CDH9: variants seen among roughly 807,000 people sequenced by gnomAD.
CDH9 encodes cadherin-9.
In CDH9, 28 loss-of-function variants were observed where a neutral mutation model predicts 70.9. The observed-to-expected ratio is 0.40, with a 90% confidence interval of 0.29 to 0.54. The LOEUF (loss-of-function observed/expected upper bound fraction) is 0.54. Ranked by LOEUF, CDH9 falls within the 20% of genes least tolerant of loss-of-function variation. The probability of loss-of-function intolerance (pLI) is 0.59; values close to 1 mark genes in which losing one functional copy is unlikely to be tolerated. For missense variants in CDH9, 874 were observed against 984.4 expected (o/e 0.89, Z 1.50); for synonymous variants, 409 against 343.1 (o/e 1.19, Z -2.12).
chr5:26,957,341 G>A (rs1741963904), intron 2 of CDH9, among the ~76,000 whole-genome samples: 1 of 151,980 alleles, frequency 6.6e-6, no homozygotes, highest in African/African-American at 2.4e-5. Context: ...AAAATCATAG[G>A]CTGTAAATAA....
chr5:27,024,550 A>C (rs1435450377), intron 1 of CDH9, among the ~76,000 whole-genome samples: 1 of 152,136 alleles, frequency 6.6e-6, no homozygotes, highest in Non-Finnish European at 1.5e-5. Flanking sequence ...TAGTGAAATT[A>C]TCTTGAGCCA....
At chr5:26,993,479 T>C (rs747500499) in intron 1 of CDH9, among the ~76,000 whole-genome samples, 2 of 152,012 alleles carry the variant, frequency 1.3e-5, no homozygotes, top group Admixed American at 6.6e-5. Flanking sequence ...AGGCTATTCA[T>C]ATTGCAAAAA....
intron 1 of CDH9, among the ~76,000 whole-genome samples, chr5:27,003,423 G>T (rs1406802794): frequency 6.6e-6 from 1 of 151,988 alleles, no homozygotes. Context: ...CTTCCAAAAA[G>T]GACAGTGTAG....
intron 2 of CDH9, among the ~76,000 whole-genome samples, chr5:26,979,291 T>G (rs1472833867): frequency 6.6e-6 from 1 of 151,632 alleles, no homozygotes; most frequent in Non-Finnish European, 1.5e-5. Flanking sequence ...CACTATTAAT[T>G]CAATTTATAC....
At chr5:27,038,436 T>C (rs937344463) in intron 1 of CDH9, 27 bp downstream of exon 1, 3 of 151,986 alleles carry the variant, frequency 2.0e-5, no homozygotes, top group Non-Finnish European at 4.4e-5. Context: ...ATAGCTTACA[T>C]TGTCAAGCAA....
At chr5:26,952,790 A>G (rs933631496) in intron 2 of CDH9, among the ~76,000 whole-genome samples, 1 of 150,670 alleles carries the variant, frequency 6.6e-6, no homozygotes, top group African/African-American at 2.4e-5. Context: ...GTATCATGGG[A>G]TTGATACTGG....
intron 2 of CDH9, among the ~76,000 whole-genome samples, chr5:26,926,708 C>T (rs10037096): frequency 0.096 from 14,551 of 152,044 alleles, 870 homozygotes; most frequent in East Asian, 0.17. Context: ...TACAAGGCTA[C>T]AGTAACCAAA....
At chr5:26,921,898 A>T (rs959810638) in intron 2 of CDH9, among the ~76,000 whole-genome samples, 1 of 152,164 alleles carries the variant, frequency 6.6e-6, no homozygotes, top group African/African-American at 2.4e-5. Flanking sequence ...AAGAGGAATC[A>T]AGCAGAAATT....
intron 1 of CDH9, among the ~76,000 whole-genome samples, chr5:27,032,627 T>A (rs1042393837): frequency 1.3e-5 from 2 of 151,676 alleles, no homozygotes; most frequent in African/African-American, 4.8e-5. Context: ...TAATAAGTTG[T>A]GACATTAATC....
intron 1 of CDH9, among the ~76,000 whole-genome samples, chr5:27,030,254 G>A (rs555546970): frequency 2.0e-5 from 3 of 151,962 alleles, no homozygotes; most frequent in Non-Finnish European, 4.4e-5. Flanking sequence ...AGAGATGGGG[G>A]AGAGGAGAGG....
At chr5:27,008,724 G>A (rs1425779196) in intron 1 of CDH9, among the ~76,000 whole-genome samples, 1 of 152,084 alleles carries the variant, frequency 6.6e-6, no homozygotes, top group Non-Finnish European at 1.5e-5. Flanking sequence ...TCAGTTTATA[G>A]TAAGTGTTAA....
At position 26,950,999 on chromosome 5, in the gene CDH9, C is replaced by A. The variant is rs1741834116; in HGVS notation, c.229-35075G>T. On this transcript the variant is annotated intron_variant, in intron 2 of 11. Transcript: ENST00000231021. ...TTTTTTGCATTGCTGGGGAGACACTCCTTGGAATAATAAAAGGCGTGTGCT... is the reference window on the plus strand; with the variant it reads ...TTTTTTGCATTGCTGGGGAGACACTACTTGGAATAATAAAAGGCGTGTGCT... Among the ~76,000 whole-genome samples the A allele has an allele frequency of 2.0e-5, 3 of 151,914 alleles. No individual in the cohort carries two copies. In the South Asian group the frequency reaches 6.2e-4, roughly 32 times the overall value.
intron 2 of CDH9, among the ~76,000 whole-genome samples, chr5:26,960,065 G>T (rs185321022): frequency 6.6e-6 from 1 of 151,900 alleles, no homozygotes; most frequent in Non-Finnish European, 1.5e-5. Context: ...AATTTGGATC[G>T]TCTTTAATTC....
chr5:26,923,782 A>G (rs1741289508), intron 2 of CDH9, among the ~76,000 whole-genome samples: 1 of 152,116 alleles, frequency 6.6e-6, no homozygotes, highest in Non-Finnish European at 1.5e-5. Flanking sequence ...ATACAAACAC[A>G]TCGAAATTAA....
intron 1 of CDH9, among the ~76,000 whole-genome samples, chr5:26,992,031 A>G (rs1742586997): frequency 6.6e-6 from 1 of 152,190 alleles, no homozygotes; most frequent in African/African-American, 2.4e-5. Context: ...GAATATATAA[A>G]TGCATATGTA....
intron 1 of CDH9, among the ~76,000 whole-genome samples, chr5:27,001,356 G>T (rs1205087262): frequency 6.6e-6 from 1 of 152,048 alleles, no homozygotes; most frequent in African/African-American, 2.4e-5. Flanking sequence ...TTCCGCAAGG[G>T]TATGTTTTGA....
At chr5:26,964,194 T>TAC (rs144078842) in intron 2 of CDH9, among the ~76,000 whole-genome samples, 1,726 of 150,030 alleles carry the variant, frequency 0.012, 31 homozygotes, top group African/African-American at 0.038. Flanking sequence ...TGCTGATTAA[T>TAC]ACACACACAC....
chr5:27,002,284 G>A (rs868125234), intron 1 of CDH9, among the ~76,000 whole-genome samples: 1 of 152,142 alleles, frequency 6.6e-6, no homozygotes, highest in African/African-American at 2.4e-5. Flanking sequence ...GTGCTGGAGA[G>A]GATATGGAGA....
intron 2 of CDH9, among the ~76,000 whole-genome samples, chr5:26,981,297 T>G (rs570865596): frequency 3.3e-5 from 5 of 152,150 alleles, no homozygotes; most frequent in Non-Finnish European, 7.4e-5. Flanking sequence ...GGTGCAGAAT[T>G]TACATTTAAC....
Sources: gnomAD v4.1 joint callset for allele counts (sites outside exome capture counted in the v4.1 genomes callset) on GRCh38, gnomAD v4.1.1 for gene constraint, MANE v1.5 for transcripts, NCBI Gene and HGNC (gene_info 2026-07-23, HGNC 2026-07-21) for gene names.